Variants in ARHGAP10 observed in about 807,000 individuals in gnomAD.
The protein encoded by ARHGAP10 is rho GTPase-activating protein 10.
A neutral mutation model predicts 108.6 loss-of-function variants in ARHGAP10; 87 were observed. The ratio of observed to expected loss-of-function variants is 0.80; its 90% confidence interval spans 0.67 to 0.96. The LOEUF is 0.96. ARHGAP10 is among the 40% of genes least tolerant of loss of function. ARHGAP10 has a pLI of 0.00. For synonymous variants in ARHGAP10, 347 were observed against 341.1 expected (o/e 1.02, Z -0.19); for missense variants, 939 against 954.5 (o/e 0.98, Z 0.21).
At chr4:147,769,613 A>G (rs1031808221) in intron 1 of ARHGAP10, among the ~76,000 whole-genome samples, 1 of 152,210 alleles carries the variant, frequency 6.6e-6, no homozygotes, top group Non-Finnish European at 1.5e-5. Flanking sequence ...AGGTTCCACA[A>G]AACCCTCTTG....
intron 18 of ARHGAP10, among the ~76,000 whole-genome samples, chr4:147,989,205 T>C (rs1294315941): frequency 6.6e-6 from 1 of 152,106 alleles, no homozygotes; most frequent in Non-Finnish European, 1.5e-5. Flanking sequence ...AGTATACGAA[T>C]AGGTGTGGGT....
intron 1 of ARHGAP10, among the ~76,000 whole-genome samples, chr4:147,791,148 G>A (rs974735348): frequency 1.7e-5 from 2 of 120,394 alleles, no homozygotes; most frequent in African/African-American, 6.5e-5. Flanking sequence ...GTCTCTCTTT[G>A]TCACCAAGGC....
chr4:147,741,463 A>G (rs747002704), intron 1 of ARHGAP10, among the ~76,000 whole-genome samples: 1 of 152,320 alleles, frequency 6.6e-6, no homozygotes, highest in South Asian at 2.1e-4. Context: ...GATTAGAAAG[A>G]GAAAAATGAT....
At chr4:148,059,831 T>C (rs1729525939) in intron 20 of ARHGAP10, among the ~76,000 whole-genome samples, 1 of 152,154 alleles carries the variant, frequency 6.6e-6, no homozygotes. Context: ...AATGACAGTA[T>C]CAGTGTTTTC....
intron 1 of ARHGAP10, among the ~76,000 whole-genome samples, chr4:147,821,584 G>T (rs183818864): frequency 2.6e-4 from 39 of 152,278 alleles, no homozygotes; most frequent in African/African-American, 9.1e-4. Context: ...CTTACAGTGG[G>T]GAATGTTGAA....
intron 13 of ARHGAP10, among the ~76,000 whole-genome samples, chr4:147,936,645 G>C (rs1351829348): frequency 1.3e-5 from 2 of 152,132 alleles, no homozygotes; most frequent in South Asian, 2.1e-4. Flanking sequence ...CTCTCTTATA[G>C]TTGCTGAATG....
chr4:148,066,662 C>T lies in ARHGAP10; in HGVS notation c.2272+2155C>T, dbSNP rs568727389. Among the ~76,000 whole-genome samples, 33 of 152,336 alleles carry T rather than the reference C, an allele frequency of 2.2e-4. 1 individual carries two copies. The highest frequency in any genetic ancestry group is 4.4e-4 in the Non-Finnish European group (30 of 68,028). On this transcript the variant is annotated intron_variant, in intron 22 of 22. Coordinates refer to ENST00000336498, the MANE Select transcript of ARHGAP10 (RefSeq NM_024605.4). ...GAGGAGAGCCACTGACTGCAGGCAA[C>T]GTGGATTCTGAACTCTGCAGGTATT...
intron 8 of ARHGAP10, 96 bp downstream of exon 8, chr4:147,875,246 T>A (rs1735010982): frequency 1.5e-6 from 2 of 1,325,096 alleles, no homozygotes; most frequent in Non-Finnish European, 2.0e-6. Context: ...TTTTGGGCAA[T>A]TATTCCTACC....
rs959832911 is a variant in ARHGAP10, at chr4:147,742,571, C to T, written c.154+10116C>T. On this transcript the variant is annotated intron_variant, in intron 1 of 22. Coordinates refer to ENST00000336498, the MANE Select transcript of ARHGAP10 (RefSeq NM_024605.4). ...CAATCTCGACTCACTGCAACCTCTG[C>T]CTCCCGGGTTCAAGCGATTCTCCTG... Among the ~76,000 whole-genome samples, 5 of 144,718 alleles carry T rather than the reference C, an allele frequency of 3.5e-5. No individual in the cohort carries two copies. The Admixed American group carries it at 3.8e-4, about 11-fold the overall frequency. The allele number at this position is 144,718 out of a possible 152,430, so 94.9% of individuals were successfully genotyped here.
At chr4:147,970,789 C>T (rs1309601661) in intron 18 of ARHGAP10, among the ~76,000 whole-genome samples, 3 of 152,086 alleles carry the variant, frequency 2.0e-5, no homozygotes, top group Non-Finnish European at 4.4e-5. Context: ...GCTTTATTTA[C>T]ACATAATAAA....
intron 1 of ARHGAP10, among the ~76,000 whole-genome samples, chr4:147,749,910 G>A (rs1215110595): frequency 1.3e-5 from 2 of 152,204 alleles, no homozygotes; most frequent in African/African-American, 4.8e-5. Context: ...TTGATGAACA[G>A]CCATGTATCC....
At chr4:147,782,851 T>G (rs1374392828) in intron 1 of ARHGAP10, among the ~76,000 whole-genome samples, 2 of 146,180 alleles carry the variant, frequency 1.4e-5, no homozygotes, top group Admixed American at 1.4e-4. Context: ...CAGGAAAAAT[T>G]TTCATATATA....
intron 12 of ARHGAP10, among the ~76,000 whole-genome samples, chr4:147,912,556 TATATATATATATATATATATATATATA>T (rs1257583897): frequency 0.02 from 21 of 1,074 alleles, 1 homozygote; most frequent in African/African-American, 0.023. Context: ...CAAATATATA[TATATATATATATATATATATATATATA>T]TATATATATA....
intron 5 of ARHGAP10, 117 bp downstream of exon 5, chr4:147,857,771 A>T: frequency 1.1e-6 from 1 of 898,442 alleles, no homozygotes; most frequent in Admixed American, 4.6e-5. Context: ...GATAACAAAA[A>T]GTGAACAGGT....
chr4:147,883,650 G>T (rs1247620970), intron 10 of ARHGAP10, among the ~76,000 whole-genome samples: 1 of 152,078 alleles, frequency 6.6e-6, no homozygotes. Context: ...TGAGATTTGA[G>T]CCCCTGCATT....
chr4:147,749,150 A>G (rs138915084), intron 1 of ARHGAP10, among the ~76,000 whole-genome samples: 1 of 152,308 alleles, frequency 6.6e-6, no homozygotes, highest in Non-Finnish European at 1.5e-5. Context: ...TAACCATAAT[A>G]GAGGAGGTGA....
intron 4 of ARHGAP10, chr4:147,854,706 A>G (rs1734019355): frequency 2.0e-6 from 2 of 984,174 alleles, no homozygotes; most frequent in Admixed American, 6.1e-5. Flanking sequence ...CAAAGAAACA[A>G]TAATACTCTA....
chr4:148,063,809 C>T (rs889545486), intron 21 of ARHGAP10, among the ~76,000 whole-genome samples: 1 of 152,202 alleles, frequency 6.6e-6, no homozygotes, highest in Non-Finnish European at 1.5e-5. Context: ...ATTAGACTGG[C>T]TAAAAGCATG....
At chr4:148,056,505 A>G (rs911684525) in intron 20 of ARHGAP10, among the ~76,000 whole-genome samples, 6 of 152,342 alleles carry the variant, frequency 3.9e-5, no homozygotes, top group Admixed American at 3.3e-4. Flanking sequence ...AGTTACAAAG[A>G]TACTACAGAG....
Sources: gnomAD v4.1 joint callset for allele counts (sites outside exome capture counted in the v4.1 genomes callset) on GRCh38, gnomAD v4.1.1 for gene constraint, MANE v1.5 for transcripts, NCBI Gene and HGNC (gene_info 2026-07-23, HGNC 2026-07-21) for gene names.